LRBA: variants seen among roughly 807,000 people sequenced by gnomAD.
LRBA encodes the protein LPS responsive beige-like anchor protein.
A neutral mutation model predicts 330.0 loss-of-function variants in LRBA; 176 were observed. The ratio of observed to expected loss-of-function variants is 0.53; its 90% confidence interval spans 0.47 to 0.60. The LOEUF (loss-of-function observed/expected upper bound fraction) is 0.60, where lower values mean the gene tolerates loss of function less well. Ranked by LOEUF, LRBA falls within the 20% of genes least tolerant of loss-of-function variation. The pLI, the probability that LRBA is intolerant of heterozygous loss-of-function variation, is 0.00. For synonymous variants in LRBA, 1,230 were observed against 1,193.0 expected, an observed-to-expected ratio of 1.03 and a Z score of -0.64; for missense variants, 3,259 against 3,444.8, an observed-to-expected ratio of 0.95 and a Z score of 1.35.
At position 150,806,279 on chromosome 4, in the gene LRBA, T is replaced by G; in HGVS notation, c.5510A>C (p.Glu1837Ala). Residue 1837 changes from glutamate to alanine, a missense_variant, in exon 33 of 57, where the codon GAA (glutamate) becomes GCA (alanine). Physicochemically the swap from Glu to Ala is moderately radical, Grantham distance 107. Coordinates refer to ENST00000651943, the MANE Select transcript of LRBA (RefSeq NM_001364905.1). ...AAAGAAAAACCACTTACTTGTTCCT[T>G]CTATAAGCAGTTCTTGTCCATGGCT... is the stretch of plus-strand genomic sequence containing the variant. Reference protein sequence around the residue: ...LGSHGQELLIEGTSLVCMKSS... With the variant: ...LGSHGQELLIAGTSLVCMKSS... The G allele has an allele frequency of 6.3e-7, 1 of 1,581,192 alleles. No individual in the cohort carries two copies. Among genetic ancestry groups the G allele is most frequent in the Non-Finnish European group, 8.6e-7 (1 of 1,166,630 alleles).
At chr4:150,608,030 G>A (rs1411980774) in intron 37 of LRBA, among the ~76,000 whole-genome samples, 3 of 152,004 alleles carry the variant, frequency 2.0e-5, no homozygotes, top group Admixed American at 6.6e-5. Context: ...GAAAGACTCC[G>A]TCTCAGGAAG....
At chr4:150,588,810 T>C (rs187104144) in intron 39 of LRBA, among the ~76,000 whole-genome samples, 2 of 152,260 alleles carry the variant, frequency 1.3e-5, no homozygotes, top group East Asian at 3.9e-4. Flanking sequence ...AATCTAATAT[T>C]AGTGTAGTTC....
At chr4:150,719,617 G>T (rs981870931) in intron 36 of LRBA, among the ~76,000 whole-genome samples, 4 of 152,076 alleles carry the variant, frequency 2.6e-5, no homozygotes, top group African/African-American at 9.7e-5. Context: ...AGAACTGAGG[G>T]AGCAACAAAG....
chr4:150,594,000 TA>T (rs2126480991), intron 38 of LRBA, among the ~76,000 whole-genome samples: 1 of 152,258 alleles, frequency 6.6e-6, no homozygotes, highest in Non-Finnish European at 1.5e-5. Flanking sequence ...CACAGTAAGG[TA>T]ACTTCTGAAT....
intron 37 of LRBA, among the ~76,000 whole-genome samples, chr4:150,625,019 T>C (rs1262903229): frequency 6.6e-6 from 1 of 152,160 alleles, no homozygotes; most frequent in Non-Finnish European, 1.5e-5. Flanking sequence ...TCAAGGAAAA[T>C]AACTAGAAAA....
chr4:150,850,330 A>G (rs1361252652), intron 24 of LRBA, among the ~76,000 whole-genome samples: 3 of 151,950 alleles, frequency 2.0e-5, no homozygotes, highest in Non-Finnish European at 4.4e-5. Context: ...TCCTGACCTT[A>G]TGATCCGCCT....
intron 53 of LRBA, among the ~76,000 whole-genome samples, chr4:150,291,966 C>T (rs949743374): frequency 2.0e-5 from 3 of 152,268 alleles, no homozygotes; most frequent in East Asian, 1.9e-4. Flanking sequence ...AGTAAACTAT[C>T]GCAAGAACAA....
At chr4:150,394,950 C>T (rs988342804) in intron 47 of LRBA, among the ~76,000 whole-genome samples, 4 of 151,944 alleles carry the variant, frequency 2.6e-5, no homozygotes, top group Non-Finnish European at 4.4e-5. Context: ...AATTGTACTG[C>T]CCATTTGCAA....
chr4:150,972,809 C>A (rs1383925132), intron 2 of LRBA, among the ~76,000 whole-genome samples: 1 of 152,140 alleles, frequency 6.6e-6, no homozygotes, highest in East Asian at 1.9e-4. Context: ...TTATTTCCTG[C>A]CTGAAATTTC....
chr4:150,598,935 T>A, intron 38 of LRBA, 72 bp downstream of exon 38: 1 of 1,563,508 alleles, frequency 6.4e-7, no homozygotes, highest in Non-Finnish European at 8.7e-7. Context: ...TGCCTTGTAA[T>A]AATGAAGTTA....
At chr4:150,775,805 G>GAAAAAAAAAAAAAAAAAAA (rs35161747) in intron 34 of LRBA, among the ~76,000 whole-genome samples, 2 of 59,966 alleles carry the variant, frequency 3.3e-5, no homozygotes, top group Non-Finnish European at 3.2e-5. Context: ...AAGAAAGAAT[G>GAAAAAAAAAAAAAAAAAAA]AAAAAAAAAA....
intron 2 of LRBA, among the ~76,000 whole-genome samples, chr4:150,980,903 C>T (rs1740756865): frequency 6.6e-6 from 1 of 151,518 alleles, no homozygotes; most frequent in African/African-American, 2.4e-5. Context: ...AAATAAATAC[C>T]TAGGAATTAA....
At chr4:150,717,667 C>CAATAATAATAATAATAATAAT (rs1553944883) in intron 36 of LRBA, among the ~76,000 whole-genome samples, 5 of 15,972 alleles carry the variant, frequency 3.1e-4, no homozygotes, top group Non-Finnish European at 1.3e-3. Context: ...CTCAAAATAA[C>CAATAATAATAATAATAATAAT]AATAATAGTA....
intron 48 of LRBA, among the ~76,000 whole-genome samples, chr4:150,341,294 T>C (rs1409306855): frequency 6.6e-6 from 1 of 152,138 alleles, no homozygotes. Context: ...CCTGAGAAGC[T>C]GGAACTACAG....
At chr4:150,494,903 C>T (rs955968364) in intron 40 of LRBA, among the ~76,000 whole-genome samples, 4 of 150,790 alleles carry the variant, frequency 2.7e-5, no homozygotes, top group East Asian at 3.9e-4. Context: ...GGGAGTCTGA[C>T]GCAGGTGAAT....
chr4:150,914,377 CA>C (rs545883615), intron 8 of LRBA, 36 bp from the exon 9 acceptor site: 145 of 1,353,964 alleles, frequency 1.1e-4, no homozygotes, highest in South Asian at 2.5e-4. Flanking sequence ...TAGGAAAAAA[CA>C]AAAAAAAACT....
intron 47 of LRBA, among the ~76,000 whole-genome samples, chr4:150,372,222 T>A (rs188531656): frequency 3.3e-5 from 5 of 152,298 alleles, no homozygotes; most frequent in Non-Finnish European, 7.4e-5. Flanking sequence ...ACTGTGATAA[T>A]TTCTATAAAT....
chr4:150,713,331 T>C (rs956531481), intron 36 of LRBA, among the ~76,000 whole-genome samples: 2 of 152,196 alleles, frequency 1.3e-5, no homozygotes, highest in Non-Finnish European at 2.9e-5. Flanking sequence ...TCAGCCATTG[T>C]CATACAAGGC....
At chr4:150,266,768 G>C (rs1745393828) in intron 56 of LRBA, among the ~76,000 whole-genome samples, 1 of 152,160 alleles carries the variant, frequency 6.6e-6, no homozygotes, top group African/African-American at 2.4e-5. Flanking sequence ...AAAAGGAAGA[G>C]ATTGGCAGAA....
Sources: allele counts gnomAD v4.1 joint callset (sites outside exome capture counted in the v4.1 genomes callset), GRCh38; gene constraint gnomAD v4.1.1; transcripts MANE v1.5; gene names NCBI Gene and HGNC (gene_info 2026-07-23, HGNC 2026-07-21).